The following DPP10 variants were observed in gnomAD, a reference collection of about 807,000 sequenced individuals.
DPP10 encodes the protein inactive dipeptidyl peptidase 10.
Under a neutral mutation model 120.9 loss-of-function variants are expected in DPP10, and 33 were observed. The ratio of observed to expected loss-of-function variants is 0.27; its 90% CI spans 0.21 to 0.37. The LOEUF is 0.37. Ranked by LOEUF, DPP10 falls within the 10% of genes least tolerant of loss-of-function variation. The probability of loss-of-function intolerance (pLI) is 1.00; values close to 1 mark genes in which losing one functional copy is unlikely to be tolerated. For missense variants in DPP10, 816 were observed against 942.8 expected (o/e 0.87, Z 1.76); for synonymous variants, 337 against 326.1 (o/e 1.03, Z -0.36).
chr2:114,968,221 T>A (rs1474763829), intron 1 of DPP10, among the ~76,000 whole-genome samples: 1 of 152,226 alleles, frequency 6.6e-6, no homozygotes. Flanking sequence ...CCTCTGCTGT[T>A]GTTGGCTCTG....
chr2:115,521,602 C>CTTT (rs1158070782), intron 4 of DPP10, among the ~76,000 whole-genome samples: 1 of 124,160 alleles, frequency 8.1e-6, no homozygotes. Context: ...AAATCTAATC[C>CTTT]TTATTTTTTT....
intron 3 of DPP10, among the ~76,000 whole-genome samples, chr2:115,473,983 A>G (rs1656354827): frequency 6.6e-6 from 1 of 152,136 alleles, no homozygotes; most frequent in South Asian, 2.1e-4. Context: ...GTGTGTGTAT[A>G]TTAGGATGGG....
intron 5 of DPP10, among the ~76,000 whole-genome samples, chr2:115,642,654 ATCTC>A (rs1051855413): frequency 5.3e-5 from 8 of 150,868 alleles, no homozygotes; most frequent in Non-Finnish European, 7.4e-5. Flanking sequence ...TCCTTTCCCT[ATCTC>A]TCTATCTCTC....
At chr2:114,926,661 G>A (rs1695647755) in intron 1 of DPP10, among the ~76,000 whole-genome samples, 1 of 152,108 alleles carries the variant, frequency 6.6e-6, no homozygotes, top group Non-Finnish European at 1.5e-5. Context: ...AAGGGTCCAT[G>A]TGTTCTCCTG....
intron 11 of DPP10, among the ~76,000 whole-genome samples, chr2:115,758,404 A>G (rs951390844): frequency 6.6e-6 from 1 of 152,148 alleles, no homozygotes; most frequent in African/African-American, 2.4e-5. Flanking sequence ...AAATATTGTG[A>G]AATACCCCAA....
At chr2:115,827,390 G>C (rs1221797675) in intron 21 of DPP10, among the ~76,000 whole-genome samples, 1 of 82,488 alleles carries the variant, frequency 1.2e-5, no homozygotes, top group African/African-American at 3.6e-5. Flanking sequence ...GAGGGCAACT[G>C]TGTGTGTGTG....
At chr2:115,237,244 CATT>C (rs57592205) in intron 1 of DPP10, among the ~76,000 whole-genome samples, 29,998 of 151,744 alleles carry the variant, frequency 0.2, 3,301 homozygotes, top group East Asian at 0.36. Context: ...CAAATTAATT[CATT>C]ATTATTGTAT....
intron 1 of DPP10, among the ~76,000 whole-genome samples, chr2:114,719,430 C>T (rs1487748032): frequency 1.3e-5 from 2 of 152,148 alleles, no homozygotes; most frequent in African/African-American, 4.8e-5. Context: ...AGTTGCTCTG[C>T]CCTTGCTTCT....
At chr2:114,583,028 A>C (rs558373648) in intron 1 of DPP10, among the ~76,000 whole-genome samples, 2 of 152,338 alleles carry the variant, frequency 1.3e-5, no homozygotes, top group Non-Finnish European at 2.9e-5. Flanking sequence ...ACAAGTTCCC[A>C]GGTAACAGGA....
intron 1 of DPP10, among the ~76,000 whole-genome samples, chr2:115,230,085 C>T (rs773256680): frequency 6.6e-6 from 1 of 151,706 alleles, no homozygotes; most frequent in African/African-American, 2.4e-5. Flanking sequence ...CTTGGGTCTC[C>T]TTCAGTTTCT....
chr2:114,674,777 A>T (rs1322313658), intron 1 of DPP10, among the ~76,000 whole-genome samples: 1 of 152,210 alleles, frequency 6.6e-6, no homozygotes, highest in African/African-American at 2.4e-5. Flanking sequence ...GATCCCAGTG[A>T]AGTACTGCAT....
intron 4 of DPP10, among the ~76,000 whole-genome samples, chr2:115,524,426 G>T (rs1029212316): frequency 2.6e-5 from 4 of 152,148 alleles, no homozygotes; most frequent in Admixed American, 2.0e-4. Context: ...GGTGATGTCT[G>T]AAGGGGTCCC....
At chr2:114,696,683 A>T (rs1293320078) in intron 1 of DPP10, among the ~76,000 whole-genome samples, 1 of 152,012 alleles carries the variant, frequency 6.6e-6, no homozygotes, top group East Asian at 1.9e-4. Flanking sequence ...ATCAAATAAC[A>T]GTTACTAAAG....
intron 1 of DPP10, among the ~76,000 whole-genome samples, chr2:115,160,319 A>C (rs949841387): frequency 6.6e-6 from 1 of 152,222 alleles, no homozygotes; most frequent in Non-Finnish European, 1.5e-5. Context: ...GATTACTGAT[A>C]TATTTATTTT....
chr2:114,787,247 A>T (rs2106220013), intron 1 of DPP10, among the ~76,000 whole-genome samples: 1 of 152,328 alleles, frequency 6.6e-6, no homozygotes, highest in South Asian at 2.1e-4. Context: ...TTCCTGGCAG[A>T]GAGAACATCA....
At chr2:115,168,594 G>T (rs538727905) in intron 1 of DPP10, among the ~76,000 whole-genome samples, 8 of 152,194 alleles carry the variant, frequency 5.3e-5, no homozygotes, top group Admixed American at 5.2e-4. Context: ...CTGTTTATTT[G>T]TCCCTATCTA....
chr2:114,826,629 C>G (rs1287864016), intron 1 of DPP10, among the ~76,000 whole-genome samples: 1 of 152,132 alleles, frequency 6.6e-6, no homozygotes, highest in Non-Finnish European at 1.5e-5. Flanking sequence ...CTCCCAGGTT[C>G]AAGTGATTCT....
rs2074109718 is a variant in DPP10, at chr2:115,463,371, C to T, written c.272-36139C>T. Among the ~76,000 whole-genome samples, 4 of 152,082 alleles carry T rather than the reference C, an allele frequency of 2.6e-5. No homozygotes were observed. The South Asian group carries it at 6.2e-4, about 24-fold the overall frequency. On this transcript the variant is annotated intron_variant, in intron 3 of 25. Transcript: ENST00000410059. ...TATTTAAGCTGAACTAATTATGATG[C>T]TTTCAAAATTTAAATGTGTATAGTT...
intron 1 of DPP10, among the ~76,000 whole-genome samples, chr2:115,014,381 A>G (rs1434590211): frequency 6.6e-6 from 1 of 152,212 alleles, no homozygotes; most frequent in Non-Finnish European, 1.5e-5. Flanking sequence ...AAATACCCAC[A>G]GGAGAAAGCG....
Sources: gnomAD v4.1 joint callset for allele counts (sites outside exome capture counted in the v4.1 genomes callset) on GRCh38, gnomAD v4.1.1 for gene constraint, MANE v1.5 for transcripts, NCBI Gene and HGNC (gene_info 2026-07-23, HGNC 2026-07-21) for gene names.